The following HNF1B variants were observed in gnomAD, a reference collection of about 807,000 sequenced individuals.
HNF1B encodes HNF1 homeobox B.
HNF1B carries 8 observed loss-of-function variants against 61.7 expected under a neutral mutation model. The observed-to-expected ratio is 0.13, with a 90% confidence interval of 0.08 to 0.23. The LOEUF (loss-of-function observed/expected upper bound fraction) is 0.23. Ranked by LOEUF, HNF1B falls within the 10% of genes least tolerant of loss-of-function variation. HNF1B has a pLI of 1.00. For synonymous variants in HNF1B, 314 were observed against 287.7 expected, an observed-to-expected ratio of 1.09 and a Z score of -0.93; for missense variants, 562 against 714.5, an observed-to-expected ratio of 0.79 and a Z score of 2.43.
At chr17:37,729,954 CTG>C (rs2033631567) in intron 4 of HNF1B, 1 of 100,800 alleles carries the variant, frequency 9.9e-6, no homozygotes, top group South Asian at 3.2e-4. Context: ...AGTACACAGG[CTG>C]TGTTTTCTGC....
intron 4 of HNF1B, among the ~76,000 whole-genome samples, chr17:37,717,275 T>C (rs2033154643): frequency 6.6e-6 from 1 of 152,100 alleles, no homozygotes; most frequent in Non-Finnish European, 1.5e-5. Flanking sequence ...TGCAGGAATG[T>C]TCCTCTGGCT....
chr17:37,739,298 A>C (rs949538051), intron 2 of HNF1B, 142 bp downstream of exon 2: 12 of 793,018 alleles, frequency 1.5e-5, no homozygotes, highest in Non-Finnish European at 2.7e-5. Context: ...GCAACCACCA[A>C]GGCCAAATCT....
At chr17:37,730,414 G>A (rs1457158755) in intron 4 of HNF1B, 2 of 152,352 alleles carry the variant, frequency 1.3e-5, no homozygotes, top group African/African-American at 4.8e-5. Context: ...CTCCTCTGTG[G>A]GAGTGGGACC....
At chr17:37,735,264 G>T (rs977951313) in intron 2 of HNF1B, among the ~76,000 whole-genome samples, 1 of 152,116 alleles carries the variant, frequency 6.6e-6, no homozygotes, top group Non-Finnish European at 1.5e-5. Flanking sequence ...ACTACTTAAC[G>T]TTTGAATCCC....
At chr17:37,719,290 G>C (rs892820698) in intron 4 of HNF1B, among the ~76,000 whole-genome samples, 6 of 152,090 alleles carry the variant, frequency 3.9e-5, no homozygotes, top group Admixed American at 1.3e-4. Flanking sequence ...AGAGGAGTAA[G>C]AGAAGAGGAG....
chr17:37,707,210 G>C (rs928922894), intron 5 of HNF1B, among the ~76,000 whole-genome samples: 6 of 151,786 alleles, frequency 4.0e-5, no homozygotes, highest in Non-Finnish European at 7.4e-5. Flanking sequence ...CGAACTCCTG[G>C]AATTAAGCGA....
chr17:37,707,771 T>C (rs113573022), intron 5 of HNF1B, among the ~76,000 whole-genome samples: 2,638 of 108,250 alleles, frequency 0.024, 76 homozygotes, highest in African/African-American at 0.067. Flanking sequence ...TTCTCTCTCT[T>C]TTTTTTTTTT....
intron 8 of HNF1B, among the ~76,000 whole-genome samples, chr17:37,691,494 G>A (rs146815860): frequency 1.2e-4 from 19 of 152,210 alleles, no homozygotes; most frequent in African/African-American, 3.4e-4. Flanking sequence ...CCTTTGCCAC[G>A]TAAGACCCTT....
At chr17:37,735,755 G>T (rs1266399436) in intron 2 of HNF1B, among the ~76,000 whole-genome samples, 1 of 152,118 alleles carries the variant, frequency 6.6e-6, no homozygotes, top group East Asian at 1.9e-4. Context: ...ATTCCTTTGG[G>T]GGTTATACTT....
At chr17:37,709,073 G>C (rs1402989099) in intron 5 of HNF1B, among the ~76,000 whole-genome samples, 1 of 152,022 alleles carries the variant, frequency 6.6e-6, no homozygotes, top group African/African-American at 2.4e-5. Flanking sequence ...GGGAATCTGC[G>C]GCTCCTCCCT....
At chr17:37,744,323 G>C (rs1055975202) in intron 1 of HNF1B, among the ~76,000 whole-genome samples, 1 of 152,268 alleles carries the variant, frequency 6.6e-6, no homozygotes, top group African/African-American at 2.4e-5. Flanking sequence ...CTCGGACGCT[G>C]GCCTGGGCCT....
chr17:37,691,067 C>T (rs188134901), intron 8 of HNF1B, among the ~76,000 whole-genome samples: 1 of 152,158 alleles, frequency 6.6e-6, no homozygotes, highest in African/African-American at 2.4e-5. Flanking sequence ...GTAGAAGAAC[C>T]AGGAATGGTA....
intron 4 of HNF1B, among the ~76,000 whole-genome samples, chr17:37,718,483 C>T (rs1347171474): frequency 6.6e-6 from 1 of 152,122 alleles, no homozygotes; most frequent in Non-Finnish European, 1.5e-5. Context: ...TCACAAGCAC[C>T]CATTTGACAG....
chr17:37,700,427 C>T (rs2032526517), intron 7 of HNF1B, among the ~76,000 whole-genome samples: 1 of 152,096 alleles, frequency 6.6e-6, no homozygotes, highest in Non-Finnish European at 1.5e-5. Context: ...ACTCTAATGC[C>T]CAGGATGGCA....
chr17:37,740,325 G>A (rs1410213546), intron 1 of HNF1B, among the ~76,000 whole-genome samples: 1 of 152,124 alleles, frequency 6.6e-6, no homozygotes, highest in Admixed American at 6.5e-5. Flanking sequence ...AAGGCAGGAG[G>A]CCCACTGGAA....
At position 37,705,068 on chromosome 17, in the gene HNF1B, C is replaced by A; in HGVS notation, c.1207-19G>T. The A allele has an allele frequency of 2.5e-6, 4 of 1,610,408 alleles. No homozygotes were observed. The highest frequency in any genetic ancestry group is 3.4e-6 in the Non-Finnish European group (4 of 1,177,796). On this transcript the variant is annotated intron_variant, in intron 5 of 8. Coordinates refer to ENST00000617811, the MANE Select transcript of HNF1B (RefSeq NM_000458.4). ...CTGAGATCTGATGGAGAGAAAAAAA[C>A]AAGAGAAACATGGGTGGACTTGGAC...
chr17:37,717,122 T>A (rs1030809262), intron 4 of HNF1B, among the ~76,000 whole-genome samples: 6 of 152,176 alleles, frequency 3.9e-5, no homozygotes, highest in Non-Finnish European at 8.8e-5. Flanking sequence ...TCCTGGGCAA[T>A]GTGGGGCTCA....
At chr17:37,739,934 G>A (rs903013688) in intron 1 of HNF1B, among the ~76,000 whole-genome samples, 3 of 151,872 alleles carry the variant, frequency 2.0e-5, no homozygotes, top group African/African-American at 7.3e-5. Flanking sequence ...AAAAAGAAAA[G>A]CTCTTGTTTT....
chr17:37,730,368 G>A (rs2033645863), intron 4 of HNF1B: 1 of 152,400 alleles, frequency 6.6e-6, no homozygotes, highest in Non-Finnish European at 1.5e-5. Context: ...TGCCTCTTAA[G>A]TAACCAAGAC....
Sources: gnomAD v4.1 joint callset for allele counts (sites outside exome capture counted in the v4.1 genomes callset) on GRCh38, gnomAD v4.1.1 for gene constraint, MANE v1.5 for transcripts, NCBI Gene and HGNC (gene_info 2026-07-23, HGNC 2026-07-21) for gene names.